Variants in FAAH2 observed in about 807,000 individuals in gnomAD.
FAAH2 encodes the protein fatty-acid amide hydrolase 2.
Under a neutral mutation model 36.9 loss-of-function variants are expected in FAAH2, and 60 were observed. The ratio of observed to expected loss-of-function variants is 1.63; its 90% CI spans 1.32 to 2.02. The LOEUF is 2.02. FAAH2 is among the 30% of genes most tolerant of loss of function. FAAH2 has a pLI of 0.00. For missense variants in FAAH2, 689 were observed against 397.5 expected, an observed-to-expected ratio of 1.73 and a Z score of -6.23; for synonymous variants, 214 against 143.8, an observed-to-expected ratio of 1.49 and a Z score of -3.49.
intron 3 of FAAH2, among the ~76,000 whole-genome samples, chrX:57,329,533 G>A (rs1350165263): frequency 9.1e-6 from 1 of 109,946 alleles, no homozygotes; most frequent in African/African-American, 3.3e-5. Flanking sequence ...GTGGTGCAGT[G>A]GGGGGAAGAG....
chrX:57,288,388 C>T (rs1339275996), intron 1 of FAAH2, among the ~76,000 whole-genome samples: 1 of 81,357 alleles, frequency 1.2e-5, no homozygotes, highest in Admixed American at 1.8e-4. Flanking sequence ...CTCGCTCTGT[C>T]GCCTGGGCTG....
At chrX:57,125,940 A>G in the FAAH2 span, among the ~76,000 whole-genome samples, 4 of 112,107 alleles carry the variant, frequency 3.6e-5, no homozygotes, top group African/African-American at 9.7e-5. Context: ...TCAGCAGTAT[A>G]TTGTATATGT....
rs142771015 is a variant in FAAH2, at chrX:57,378,777, G to A, written c.869G>A (p.Gly290Glu). 8.5e-5 allele frequency: 103 copies of A among 1,204,891 alleles called. No individual in the cohort carries two copies. Among genetic ancestry groups the A allele is most frequent in the Non-Finnish European group, 1.1e-4 (101 of 892,617 alleles). ...APMLKVMAGP[G>E]IKRLKLDTKV... ...ATGTTGAAGGTCATGGCAGGACCTG[G>A]GATCAAAAGGTATGTTCATTTATTT... The change falls in exon 6 of 11, where the codon GGG becomes GAG. Residue 290 changes from glycine to glutamate, a missense_variant. Transcript: ENST00000374900.
At chrX:57,273,947 C>G in the FAAH2 span, among the ~76,000 whole-genome samples, 1 of 111,041 alleles carries the variant, frequency 9.0e-6, no homozygotes, top group African/African-American at 3.3e-5. Context: ...ACAAACAACC[C>G]TCCAAAAAAT....
intron 8 of FAAH2, among the ~76,000 whole-genome samples, chrX:57,440,036 G>A (rs1459913804): frequency 9.0e-6 from 1 of 111,691 alleles, no homozygotes; most frequent in Non-Finnish European, 1.9e-5. Flanking sequence ...CAGGCAGCGT[G>A]ATGCCTCCAG....
rs142267241 is a variant in FAAH2, at chrX:57,451,203, G to C, written c.1423+2485G>C. On this transcript the variant is annotated intron_variant, in intron 10 of 10. Coordinates refer to ENST00000374900, the MANE Select transcript of FAAH2 (RefSeq NM_174912.4). The stretch of plus-strand genomic sequence containing the variant: ...GAAGAGGAAACAGGAGGCTGAACAG[G>C]GTCTCTCAGCTATGAAGTGAAGTGA... Among the ~76,000 whole-genome samples the C allele has an allele frequency of 2.4e-4, 27 of 111,281 alleles. No individual in the cohort carries two copies. The East Asian group carries it at 7.1e-3, about 29-fold the overall frequency.
At chrX:57,136,792 G>T in the FAAH2 span, 2 of 369,869 alleles carry the variant, frequency 5.4e-6, no homozygotes, top group Non-Finnish European at 9.8e-6. Flanking sequence ...GTGGGGAAGG[G>T]CTGGGGTGGT....
In FAAH2 at chrX:57,344,365, C is replaced by A. The variant is rs1397555823; in HGVS notation, c.742+2975C>A. On this transcript the variant is annotated intron_variant, in intron 5 of 10. Coordinates refer to ENST00000374900, the MANE Select transcript of FAAH2 (RefSeq NM_174912.4). The stretch of plus-strand genomic sequence containing the variant: ...TCTAGATATTGTAGTTTTGGTGTGG[C>A]TATTGTAAATGGGATTGCATTTTTT... 2.7e-5 allele frequency among the ~76,000 whole-genome samples: 3 copies of A among 110,607 alleles called. No homozygotes were observed. The South Asian group carries it at 1.1e-3, about 42-fold the overall frequency.
chrX:57,397,123 G>A (rs546508447), intron 7 of FAAH2, among the ~76,000 whole-genome samples: 15 of 111,466 alleles, frequency 1.3e-4, no homozygotes, highest in Admixed American at 1.9e-4. Flanking sequence ...TTCCATTTGC[G>A]TGATACATCT....
intron 8 of FAAH2, among the ~76,000 whole-genome samples, chrX:57,442,942 C>G (rs922309905): frequency 8.1e-5 from 9 of 111,694 alleles, no homozygotes; most frequent in African/African-American, 2.9e-4. Flanking sequence ...TTGGCCCCCA[C>G]TCTCTTCTGG....
the FAAH2 span, among the ~76,000 whole-genome samples, chrX:57,216,526 G>GTATATA: frequency 3.0e-5 from 1 of 33,733 alleles, no homozygotes; most frequent in Non-Finnish European, 4.8e-5. Context: ...ATACGTATAT[G>GTATATA]TATATATATA....
At chrX:57,358,576 T>C (rs930392995) in intron 5 of FAAH2, among the ~76,000 whole-genome samples, 2 of 111,427 alleles carry the variant, frequency 1.8e-5, no homozygotes, top group African/African-American at 6.5e-5. Flanking sequence ...TGTGTGTATA[T>C]ATATAGAGAG....
chrX:57,272,536 A>G, the FAAH2 span, among the ~76,000 whole-genome samples: 4 of 112,309 alleles, frequency 3.6e-5, no homozygotes, highest in Non-Finnish European at 7.5e-5. Context: ...AAGGGAAGCC[A>G]ATCAGACTAA....
chrX:57,306,765 T>A (rs993909010), intron 2 of FAAH2, among the ~76,000 whole-genome samples: 4 of 96,833 alleles, frequency 4.1e-5, no homozygotes, highest in Non-Finnish European at 4.1e-5. Flanking sequence ...GTATACACTA[T>A]ATATATACCA....
At chrX:57,418,103 C>T (rs779896796) in intron 7 of FAAH2, among the ~76,000 whole-genome samples, 8 of 111,474 alleles carry the variant, frequency 7.2e-5, no homozygotes, top group South Asian at 3.7e-4. Flanking sequence ...CATGCCCTAT[C>T]GACTTCAGAC....
chrX:57,334,493 A>G (rs2053493926), intron 4 of FAAH2, among the ~76,000 whole-genome samples: 1 of 110,567 alleles, frequency 9.0e-6, no homozygotes, highest in South Asian at 3.9e-4. Context: ...AAGAATACAA[A>G]CCAAAAACCT....
At chrX:57,404,146 G>C (rs1462632515) in intron 7 of FAAH2, among the ~76,000 whole-genome samples, 4 of 112,316 alleles carry the variant, frequency 3.6e-5, no homozygotes, top group African/African-American at 9.7e-5. Context: ...AGTGGCCTCA[G>C]TGCTTTCAGG....
At chrX:57,387,745 A>G (rs2055062063) in intron 7 of FAAH2, among the ~76,000 whole-genome samples, 1 of 111,651 alleles carries the variant, frequency 9.0e-6, no homozygotes, top group Non-Finnish European at 1.9e-5. Context: ...TGATAAATGC[A>G]TTTCTGAAAC....
At chrX:57,463,250 T>C (rs2056992558) in intron 10 of FAAH2, among the ~76,000 whole-genome samples, 1 of 111,307 alleles carries the variant, frequency 9.0e-6, no homozygotes, top group African/African-American at 3.3e-5. Flanking sequence ...AATTTATAGA[T>C]TCAATTCTAT....
Sources: gnomAD v4.1 joint callset for allele counts (sites outside exome capture counted in the v4.1 genomes callset) on GRCh38, gnomAD v4.1.1 for gene constraint, MANE v1.5 for transcripts, NCBI Gene and HGNC (gene_info 2026-07-23, HGNC 2026-07-21) for gene names.